BRINP1: variants seen among roughly 807,000 people sequenced by gnomAD.
BRINP1 encodes the protein BMP/retinoic acid-inducible neural-specific protein 1.
BRINP1 carries 17 observed loss-of-function variants against 72.9 expected under a neutral mutation model. The observed-to-expected ratio is 0.23, with a 90% CI of 0.16 to 0.35. The LOEUF (loss-of-function observed/expected upper bound fraction) is 0.35, where lower values mean the gene tolerates loss of function less well. Among genes scored for constraint, BRINP1 ranks in the 10% least tolerant of loss-of-function variants. The probability of loss-of-function intolerance (pLI) is 1.00; values close to 1 mark genes in which losing one functional copy is unlikely to be tolerated. For missense variants in BRINP1, 850 were observed against 1,001.6 expected (o/e 0.85, Z 2.04); for synonymous variants, 418 against 378.5 (o/e 1.10, Z -1.21).
intron 2 of BRINP1, among the ~76,000 whole-genome samples, chr9:119,306,166 GCTGA>G (rs926354239): frequency 4.4e-4 from 67 of 152,338 alleles, no homozygotes; most frequent in Middle Eastern, 3.4e-3. Flanking sequence ...AGAAATTGTA[GCTGA>G]CTATGGTTTG....
intron 4 of BRINP1, among the ~76,000 whole-genome samples, chr9:119,240,695 G>C (rs1337674892): frequency 6.6e-6 from 1 of 152,116 alleles, no homozygotes; most frequent in East Asian, 1.9e-4. Context: ...CCCTTTGTTT[G>C]TTGGTCTGAT....
At chr9:119,184,162 T>C (rs1489826794) in intron 7 of BRINP1, among the ~76,000 whole-genome samples, 2 of 152,102 alleles carry the variant, frequency 1.3e-5, no homozygotes, top group Non-Finnish European at 2.9e-5. Context: ...ATCAGCCAAG[T>C]GAGTCAATTG....
intron 7 of BRINP1, 51 bp from the exon 8 acceptor site, chr9:119,168,275 T>A: frequency 7.2e-7 from 1 of 1,389,548 alleles, no homozygotes; most frequent in Non-Finnish European, 9.5e-7. Context: ...AGTGGGTCTG[T>A]GAGTTACAGT....
rs143607249 is a variant in BRINP1, at chr9:119,168,140, C to T, written c.1230G>A (p.Gln410=). Residue 410 remains glutamine, a synonymous_variant, in exon 8 of 8, where the codon CAG becomes CAA. Transcript: ENST00000265922. ...NGFWGTFLES[Q]RSCVCHGSTT... is the part of the protein sequence containing the mutation. Reference sequence around the variant, plus strand: ...TGCTGCCGTGGCACACGCAGCTCCGCTGGCTCTCCAGGAAGGTTCCCCAAA... The same window carrying T: ...TGCTGCCGTGGCACACGCAGCTCCGTTGGCTCTCCAGGAAGGTTCCCCAAA... 4 of 1,600,494 alleles carry T rather than the reference C, an allele frequency of 2.5e-6. No homozygotes were observed. In the African/African-American group the frequency reaches 4.0e-5, roughly 16 times the overall value.
At chr9:119,204,737 T>C (rs904593863) in intron 7 of BRINP1, among the ~76,000 whole-genome samples, 3 of 152,224 alleles carry the variant, frequency 2.0e-5, no homozygotes, top group Non-Finnish European at 4.4e-5. Flanking sequence ...AAAATCTTAA[T>C]CATCACACTT....
At chr9:119,307,372 T>C (rs1831008688) in intron 2 of BRINP1, among the ~76,000 whole-genome samples, 10 of 152,196 alleles carry the variant, frequency 6.6e-5, no homozygotes. Context: ...CTTATTTGCA[T>C]ATTGGATCAA....
chr9:119,206,137 AG>A (rs1247853185), intron 7 of BRINP1, among the ~76,000 whole-genome samples: 3 of 152,040 alleles, frequency 2.0e-5, no homozygotes, highest in Non-Finnish European at 4.4e-5. Context: ...ATATTAGCAC[AG>A]GGCATGGTGG....
chr9:119,245,015 T>G (rs927224308), intron 3 of BRINP1, among the ~76,000 whole-genome samples: 1 of 152,214 alleles, frequency 6.6e-6, no homozygotes, highest in Non-Finnish European at 1.5e-5. Flanking sequence ...GGGACATAAC[T>G]CTTCCTTTCC....
At chr9:119,355,051 G>A (rs1831546103) in intron 1 of BRINP1, among the ~76,000 whole-genome samples, 1 of 152,118 alleles carries the variant, frequency 6.6e-6, no homozygotes, top group East Asian at 1.9e-4. Flanking sequence ...TTTGACTCCT[G>A]TTCCTACGAC....
intron 5 of BRINP1, among the ~76,000 whole-genome samples, chr9:119,233,965 G>A (rs983241041): frequency 6.6e-6 from 1 of 152,124 alleles, no homozygotes; most frequent in Admixed American, 6.6e-5. Flanking sequence ...ATTGTTGTAT[G>A]AAACAGTGGT....
chr9:119,355,373 C>G (rs547960118), intron 1 of BRINP1, among the ~76,000 whole-genome samples: 2 of 152,080 alleles, frequency 1.3e-5, no homozygotes, highest in African/African-American at 4.8e-5. Context: ...TTTGTACATG[C>G]GACATTCATT....
At chr9:119,238,807 C>T (rs1830217388) in intron 4 of BRINP1, 47 bp from the exon 5 acceptor site, 1 of 1,272,884 alleles carries the variant, frequency 7.9e-7, no homozygotes, top group Non-Finnish European at 1.1e-6. Context: ...CAGTCCTTGT[C>T]TAGGACATAC....
chr9:119,304,867 T>TCTTTCTCC (rs1830978693), intron 2 of BRINP1, among the ~76,000 whole-genome samples: 2 of 152,238 alleles, frequency 1.3e-5, no homozygotes, highest in Admixed American at 1.3e-4. Context: ...AACCCATCTC[T>TCTTTCTCC]CTTTCTCCCT....
At chr9:119,215,410 G>A (rs1829967723) in intron 5 of BRINP1, among the ~76,000 whole-genome samples, 1 of 152,170 alleles carries the variant, frequency 6.6e-6, no homozygotes, top group Non-Finnish European at 1.5e-5. Flanking sequence ...GGGCACTTTC[G>A]CTTAGGACAT....
chr9:119,228,628 C>A (rs1267304523), intron 5 of BRINP1, among the ~76,000 whole-genome samples: 1 of 152,012 alleles, frequency 6.6e-6, no homozygotes, highest in East Asian at 1.9e-4. Flanking sequence ...ATGTAGAATG[C>A]CATTGAGTAG....
chr9:119,245,101 T>C (rs1456505914), intron 3 of BRINP1, among the ~76,000 whole-genome samples: 2 of 152,050 alleles, frequency 1.3e-5, no homozygotes, highest in Admixed American at 1.3e-4. Flanking sequence ...GGGAGGGAAA[T>C]AGTGAATATA....
At chr9:119,219,826 C>G (rs552424139) in intron 5 of BRINP1, among the ~76,000 whole-genome samples, 1 of 152,070 alleles carries the variant, frequency 6.6e-6, no homozygotes, top group Non-Finnish European at 1.5e-5. Flanking sequence ...AAAGCACTCT[C>G]CACTCTCCTA....
chr9:119,236,060 A>C (rs1328622013), intron 5 of BRINP1, among the ~76,000 whole-genome samples: 1 of 152,182 alleles, frequency 6.6e-6, no homozygotes, highest in Non-Finnish European at 1.5e-5. Context: ...CCATTTTATT[A>C]ATATTAATGG....
intron 5 of BRINP1, among the ~76,000 whole-genome samples, chr9:119,222,443 T>A (rs186497418): frequency 6.6e-6 from 1 of 152,256 alleles, no homozygotes; most frequent in Non-Finnish European, 1.5e-5. Flanking sequence ...ATATTAATTA[T>A]CTGGTTCCTA....
Sources: gnomAD v4.1 joint callset for allele counts (sites outside exome capture counted in the v4.1 genomes callset) on GRCh38, gnomAD v4.1.1 for gene constraint, MANE v1.5 for transcripts, NCBI Gene and HGNC (gene_info 2026-07-23, HGNC 2026-07-21) for gene names.